Variants in FN1 observed in about 807,000 individuals in gnomAD.
FN1 encodes the protein fibronectin.
FN1 carries 106 observed loss-of-function variants against 297.3 expected under a neutral mutation model. That is an observed-to-expected ratio of 0.36 (90% CI 0.30 to 0.42). The LOEUF (loss-of-function observed/expected upper bound fraction) is 0.42. Among genes scored for constraint, FN1 ranks in the 10% least tolerant of loss-of-function variants. FN1 has a pLI of 1.00. For missense variants in FN1, 2,690 were observed against 3,124.9 expected, an observed-to-expected ratio of 0.86 and a Z score of 3.32; for synonymous variants, 1,149 against 1,152.6, an observed-to-expected ratio of 1.00 and a Z score of 0.06.
intron 23 of FN1, among the ~76,000 whole-genome samples, chr2:215,395,867 G>C (rs999618769): frequency 6.6e-6 from 1 of 151,972 alleles, no homozygotes; most frequent in African/African-American, 2.4e-5. Context: ...CCATTGAGAC[G>C]AGATATTAAT....
At position 215,431,884 on chromosome 2, in the gene FN1, C is replaced by T; in HGVS notation, c.496G>A (p.Glu166Lys). The change falls in exon 4 of 46, where the codon GAG becomes AAG. Residue 166 changes from glutamate to lysine, a missense_variant. Coordinates refer to ENST00000354785, the MANE Select transcript of FN1 (RefSeq NM_212482.4). Reference sequence around the variant, plus strand: ...TTTCCATTACCAAGACACACACACTCTAACATGTAACCACCAGTCTCATGT... The same window carrying T: ...TTTCCATTACCAAGACACACACACTTTAACATGTAACCACCAGTCTCATGT... The part of the protein sequence containing the change: ...RPHETGGYML[E>K]CVCLGNGKGE... The T allele has an allele frequency of 6.2e-7, 1 of 1,614,160 alleles. No individual in the cohort carries two copies. Among genetic ancestry groups the T allele is most frequent in the Non-Finnish European group, 8.5e-7 (1 of 1,180,002 alleles).
At chr2:215,401,742 C>T (rs2061196057) in intron 20 of FN1, among the ~76,000 whole-genome samples, 1 of 152,060 alleles carries the variant, frequency 6.6e-6, no homozygotes, top group Non-Finnish European at 1.5e-5. Flanking sequence ...TTAGAATCAA[C>T]ATCGCAATTC....
chr2:215,377,740 AG>A (rs1434894393), intron 35 of FN1, among the ~76,000 whole-genome samples: 1 of 152,226 alleles, frequency 6.6e-6, no homozygotes, highest in Non-Finnish European at 1.5e-5. Context: ...GGTCTCCCCA[AG>A]CTTAGCTCTA....
Position 215,409,713 on chromosome 2 carries a change from G to C in FN1, c.2149C>G (p.Pro717Ala), listed in dbSNP as rs1022716034. The C allele has an allele frequency of 6.2e-7, 1 of 1,614,108 alleles. No individual in the cohort carries two copies. The change falls in exon 15 of 46, where the codon CCC becomes GCC. Residue 717 changes from proline (P) to alanine (A), a missense_variant. This residue lies in a region of FN1 where 876 missense variants were observed against 1,058.1 expected (regional missense o/e 0.83). Coordinates refer to ENST00000354785, the MANE Select transcript of FN1 (RefSeq NM_212482.4). ...GAAGTGGCCACAAGAGGAGAAAAGG[G>C]AGTCGTCTCTCCTGTCACGGTGTTG... is the stretch of plus-strand genomic sequence containing the variant. The part of the protein sequence containing the change: ...TSNTVTGETT[P>A]FSPLVATSES...
At chr2:215,387,286 T>G (rs2106008798) in intron 27 of FN1, among the ~76,000 whole-genome samples, 1 of 152,194 alleles carries the variant, frequency 6.6e-6, no homozygotes, top group East Asian at 1.9e-4. Flanking sequence ...TTCTGAGAAT[T>G]GACATTTTCA....
intron 45 of FN1, 70 bp from the exon 46 acceptor site, chr2:215,361,696 G>T: frequency 8.2e-7 from 1 of 1,221,770 alleles, no homozygotes; most frequent in Non-Finnish European, 1.2e-6. Flanking sequence ...AAAAAATGCG[G>T]GGAGGTGGGG....
At chr2:215,391,599 A>G (rs371747961) in intron 26 of FN1, 33 bp downstream of exon 26, 2 of 1,576,466 alleles carry the variant, frequency 1.3e-6, no homozygotes, top group Admixed American at 1.7e-5. Context: ...CTCTAGGTTA[A>G]TATTTATGGA....
chr2:215,361,526 T>G lies in FN1; in HGVS notation c.*29A>C. On this transcript the variant is annotated 3_prime_UTR_variant, in exon 46 of 46. Transcript: ENST00000354785. ...TTAGATGGATCTTGGCAGAGAGACA[T>G]GCTTGTTCCTCTGGATTGGAAAGAT... 1 of 1,474,864 alleles carries G rather than the reference T, an allele frequency of 6.8e-7. No individual in the cohort carries two copies. Among genetic ancestry groups the G allele is most frequent in the Non-Finnish European group, 9.5e-7 (1 of 1,052,800 alleles). The allele number at this position is 1,474,864 out of a possible 1,614,324, so 91.4% of individuals were successfully genotyped here. A position where few individuals can be genotyped will look rare whatever the true frequency, so the allele number is the denominator to read the frequency against.
intron 9 of FN1, among the ~76,000 whole-genome samples, chr2:215,422,465 A>G (rs1221039690): frequency 2.0e-5 from 3 of 152,212 alleles, no homozygotes; most frequent in African/African-American, 7.2e-5. Context: ...AAATAGTTAC[A>G]GGAAGGGTTA....
rs367872433 is a variant in FN1, at chr2:215,384,057, G to T, written c.4857C>A (p.Pro1619=). 6.2e-7 allele frequency: 1 copy of T among 1,614,118 alleles called. No homozygotes were observed. Among genetic ancestry groups the T allele is most frequent in the Non-Finnish European group, 8.5e-7 (1 of 1,180,022 alleles). Residue 1619 remains proline, a synonymous_variant, in exon 30 of 46, where the codon CCC becomes CCA. Transcript: ENST00000354785. ...VYAVTGRGDS[P]ASSKPISINY... ...TAATGGAAATTGGCTTGCTGCTTGC[G>T]GGGCTGTCTCCACGGCCAGTGACAG...
rs2060464918 is a variant in FN1, at chr2:215,397,635, G to T, written c.3517+45C>A. 4 of 1,563,532 alleles carry T rather than the reference G, an allele frequency of 2.6e-6. No homozygotes were observed. In the South Asian group the frequency reaches 3.3e-5, roughly 13 times the overall value. Reference sequence around the variant, plus strand: ...TGACACTAGCTTTTTTCGAAAAGTAGAACAGTTTTAAAAACTAATAGAAAA... The same window carrying T: ...TGACACTAGCTTTTTTCGAAAAGTATAACAGTTTTAAAAACTAATAGAAAA... On this transcript the variant is annotated intron_variant, in intron 22 of 45. Coordinates refer to ENST00000354785, the MANE Select transcript of FN1 (RefSeq NM_212482.4).
intron 28 of FN1, 93 bp downstream of exon 28, chr2:215,386,592 TTTGA>T: frequency 1.9e-5 from 10 of 522,404 alleles, no homozygotes; most frequent in East Asian, 3.6e-5. Context: ...TTTTTTTTTT[TTTGA>T]GAGCTGATGA....
intron 36 of FN1, 42 bp downstream of exon 36, chr2:215,376,456 G>A (rs2057309928): frequency 1.9e-6 from 3 of 1,556,242 alleles, no homozygotes; most frequent in East Asian, 2.2e-5. Flanking sequence ...TACATTGTGG[G>A]TATTTGTTAA....
At chr2:215,421,433 A>T (rs903396969) in intron 10 of FN1, among the ~76,000 whole-genome samples, 1 of 152,208 alleles carries the variant, frequency 6.6e-6, no homozygotes, top group Admixed American at 6.5e-5. Flanking sequence ...CAGTTCTGCA[A>T]CACCACATGT....
At chr2:215,406,115 C>T (rs1183850198) in intron 19 of FN1, 123 bp downstream of exon 19, 34 of 999,896 alleles carry the variant, frequency 3.4e-5, no homozygotes, top group East Asian at 2.4e-4. Flanking sequence ...ATTCCCTTGC[C>T]GGCTGGGTAT....
intron 9 of FN1, among the ~76,000 whole-genome samples, chr2:215,422,834 A>G (rs1489937615): frequency 3.9e-5 from 6 of 152,204 alleles, no homozygotes; most frequent in Non-Finnish European, 7.3e-5. Context: ...TTCGCCATCT[A>G]TACAAACTGG....
At chr2:215,403,791 C>G (rs779270268) in intron 20 of FN1, among the ~76,000 whole-genome samples, 1 of 152,126 alleles carries the variant, frequency 6.6e-6, no homozygotes, top group South Asian at 2.1e-4. Context: ...AGAGCGATTC[C>G]GTCTGCAAAA....
chr2:215,429,942 T>G (rs1407564609), intron 5 of FN1, among the ~76,000 whole-genome samples: 2 of 152,184 alleles, frequency 1.3e-5, no homozygotes, highest in Non-Finnish European at 2.9e-5. Flanking sequence ...AGTCTGATGA[T>G]CACAGTAACA....
intron 41 of FN1, among the ~76,000 whole-genome samples, chr2:215,369,814 T>A (rs993373295): frequency 5.3e-5 from 8 of 152,184 alleles, no homozygotes; most frequent in African/African-American, 9.7e-5. Flanking sequence ...AAATGCACAA[T>A]GTTGGTAGCA....
Sources: allele counts gnomAD v4.1 joint callset (sites outside exome capture counted in the v4.1 genomes callset), GRCh38; gene constraint gnomAD v4.1.1; regional missense constraint gnomAD v4.1.1; transcripts MANE v1.5; gene names NCBI Gene and HGNC (gene_info 2026-07-23, HGNC 2026-07-21).